GRAMD4: variants seen among roughly 807,000 people sequenced by gnomAD.
GRAMD4 encodes GRAM domain-containing protein 4.
Under a neutral mutation model 83.9 loss-of-function variants are expected in GRAMD4, and 25 were observed. That is an observed-to-expected ratio of 0.30 (90% CI 0.22 to 0.42). The LOEUF is 0.42. Ranked by LOEUF, GRAMD4 falls within the 10% of genes least tolerant of loss-of-function variation. The pLI is 1.00. For missense variants in GRAMD4, 593 were observed against 788.7 expected (o/e 0.75, Z 2.97); for synonymous variants, 336 against 320.9 (o/e 1.05, Z -0.50).
intron 2 of GRAMD4, among the ~76,000 whole-genome samples, chr22:46,628,793 G>A (rs976463901): frequency 5.3e-5 from 8 of 152,260 alleles, no homozygotes; most frequent in Middle Eastern, 6.8e-3. Context: ...ATCCCCTTCG[G>A]GGGAGGGTCA....
upstream of GRAMD4, among the ~76,000 whole-genome samples, chr22:46,576,766 G>A (rs1331498438): frequency 3.7e-5 from 5 of 134,488 alleles, no homozygotes; most frequent in Non-Finnish European, 6.4e-5. Flanking sequence ...GCGGGGCGCG[G>A]GCGAGGCCAC....
intron 1 of GRAMD4, among the ~76,000 whole-genome samples, chr22:46,585,144 C>A (rs1006241772): frequency 6.6e-6 from 1 of 151,962 alleles, no homozygotes. Context: ...CGGTGTTTTC[C>A]AGGCAGCATT....
chr22:46,648,847 C>G (rs62233623), intron 3 of GRAMD4, among the ~76,000 whole-genome samples: 257 of 17,090 alleles, frequency 0.015, 2 homozygotes, highest in South Asian at 0.033. Flanking sequence ...TGGATGGATG[C>G]ATGGATGGAT....
chr22:46,680,671 A>ACCCACCCATTC (rs2082661474), downstream of GRAMD4, among the ~76,000 whole-genome samples: 1 of 14,116 alleles, frequency 7.1e-5, no homozygotes. Flanking sequence ...CTCATCCATC[A>ACCCACCCATTC]ATCCATCCAC....
Position 46,679,348 on chromosome 22 carries a change from C to A in GRAMD4, c.*2097C>A. ...AAACTGACCACGTGCCAGGTGTGGC[C>A]GAAGCCCCCAGGGAGGGCCACATTC... On this transcript the variant is annotated 3_prime_UTR_variant, in exon 19 of 19. Coordinates refer to ENST00000406902, the MANE Select transcript of GRAMD4 (RefSeq NM_015124.5). 1.0e-6 allele frequency: 1 copy of A among 983,964 alleles called. No homozygotes were observed. The highest frequency in any genetic ancestry group is 1.2e-6 in the Non-Finnish European group (1 of 829,886). The allele number at this position is 983,964 out of a possible 1,614,324, so 61.0% of individuals were successfully genotyped here.
At chr22:46,576,058 G>C (rs2081040541), upstream of GRAMD4, 1 of 152,956 alleles carries the variant, frequency 6.5e-6, no homozygotes, top group Non-Finnish European at 1.5e-5. Flanking sequence ...AAAGGTTGGA[G>C]ATGCCTGTGG....
chr22:46,603,191 A>G (rs971821913), intron 1 of GRAMD4, among the ~76,000 whole-genome samples: 12 of 137,882 alleles, frequency 8.7e-5, no homozygotes, highest in Non-Finnish European at 1.5e-4. Context: ...AACATAACGT[A>G]TCTTCTCTTG....
At chr22:46,603,497 C>T (rs1355208613) in intron 1 of GRAMD4, among the ~76,000 whole-genome samples, 2 of 136,456 alleles carry the variant, frequency 1.5e-5, no homozygotes, top group African/African-American at 2.7e-5. Context: ...GCATGAGCCA[C>T]CGCGCCCGGC....
chr22:46,598,106 G>A (rs147816532), intron 1 of GRAMD4, among the ~76,000 whole-genome samples: 197 of 152,100 alleles, frequency 1.3e-3, no homozygotes, highest in Non-Finnish European at 2.2e-3. Context: ...CTCAGCTTCC[G>A]GAGTAGCTGG....
At chr22:46,619,641 G>C (rs980610026), upstream of GRAMD4, among the ~76,000 whole-genome samples, 1 of 152,294 alleles carries the variant, frequency 6.6e-6, no homozygotes, top group South Asian at 2.1e-4. Flanking sequence ...GGCCGCCCCC[G>C]GTCCTCCTGT....
In GRAMD4 at chr22:46,678,260, G is replaced by C. The variant is rs2082627582; in HGVS notation, c.*1009G>C. On this transcript the variant is annotated 3_prime_UTR_variant, in exon 19 of 19. Coordinates refer to ENST00000406902, the MANE Select transcript of GRAMD4 (RefSeq NM_015124.5). ...GCAGCCGCCTTTGGGCCATCCGAGA[G>C]GCTCTGGCAGCCCCTGTGCTTTAGG... The C allele has an allele frequency of 1.0e-6, 1 of 985,362 alleles. No homozygotes were observed. 61.0% of individuals were successfully genotyped at this position (985,362 alleles called of 1,614,324 possible).
intron 4 of GRAMD4, among the ~76,000 whole-genome samples, 178 bp from the exon 5 acceptor site, chr22:46,661,200 CTCT>C (rs1351185944): frequency 3.9e-5 from 6 of 152,218 alleles, no homozygotes; most frequent in African/African-American, 1.4e-4. Context: ...AGGAAGGCAG[CTCT>C]GTGCTTGCCT....
In GRAMD4 at chr22:46,622,392, GTTT is replaced by G. The variant is rs1199363657; in HGVS notation, c.-50+1830_-50+1832del. On this transcript the variant is annotated intron_variant, in intron 1 of 18. Coordinates refer to ENST00000406902, the MANE Select transcript of GRAMD4 (RefSeq NM_015124.5). This position sits in a 1 kb window ranked among gnomAD's most constrained non-coding sequence, Gnocchi z 4.0. The stretch of plus-strand genomic sequence containing the variant: ...TGCCGCAACCAGGAGGACTCGCCGG[GTTT>G]TTGAAAATGGAAGGAAGTAGGTTTT... Among the ~76,000 whole-genome samples, 1 of 152,184 alleles carries G rather than the reference GTTT, an allele frequency of 6.6e-6. No individual in the cohort carries two copies.
rs1601578887 is a variant in GRAMD4 at position 46,622,120 on chromosome 22, G to C, written c.-50+1555G>C. On this transcript the variant is annotated intron_variant, in intron 1 of 18. Coordinates refer to ENST00000406902, the MANE Select transcript of GRAMD4 (RefSeq NM_015124.5). This position sits in a 1 kb window ranked among gnomAD's most constrained non-coding sequence, Gnocchi z 4.0. ...CTGATGGTGACAGGCGGGACACTCAGGGCCTTTGTCCCCTCTCTCATTGCC... is the reference window on the plus strand; with the variant it reads ...CTGATGGTGACAGGCGGGACACTCACGGCCTTTGTCCCCTCTCTCATTGCC... Among the ~76,000 whole-genome samples, 1 of 152,176 alleles carries C rather than the reference G, an allele frequency of 6.6e-6. No individual in the cohort carries two copies. The highest frequency in any genetic ancestry group is 2.4e-5 in the African/African-American group (1 of 41,430).
chr22:46,667,217 C>T (rs868278522), intron 10 of GRAMD4, among the ~76,000 whole-genome samples: 1 of 152,122 alleles, frequency 6.6e-6, no homozygotes, highest in Non-Finnish European at 1.5e-5. Flanking sequence ...GGGTGGTGAA[C>T]AGTAGGCTGG....
At chr22:46,639,692 A>G (rs1261438940) in intron 3 of GRAMD4, among the ~76,000 whole-genome samples, 2 of 152,084 alleles carry the variant, frequency 1.3e-5, no homozygotes, top group South Asian at 2.1e-4. Context: ...GTGCATGCCC[A>G]TGTGCATCAG....
chr22:46,646,392 G>A (rs562815605), intron 3 of GRAMD4, among the ~76,000 whole-genome samples: 1 of 152,328 alleles, frequency 6.6e-6, no homozygotes, highest in East Asian at 1.9e-4. Flanking sequence ...CGAAGAAGCT[G>A]GCAGGAGGGG....
chr22:46,663,176 G>A lies in GRAMD4; in HGVS notation c.599+4G>A. On this transcript the variant is annotated splice_donor_region_variant and intron_variant, in intron 6 of 18. Coordinates refer to ENST00000406902, the MANE Select transcript of GRAMD4 (RefSeq NM_015124.5). ...AGGAACCCCTGAGCGCCCGCAGGTA[G>A]GGGTTCGCCGAGCTGGGGCTGCCTG... 1 of 1,609,570 alleles carries A rather than the reference G, an allele frequency of 6.2e-7. No homozygotes were observed. The highest frequency in any genetic ancestry group is 8.5e-7 in the Non-Finnish European group (1 of 1,177,846).
intron 3 of GRAMD4, among the ~76,000 whole-genome samples, chr22:46,657,887 G>A (rs1017359470): frequency 1.3e-5 from 2 of 152,182 alleles, no homozygotes; most frequent in Admixed American, 1.3e-4. Context: ...TTTGTGTTCT[G>A]TGTTGCACTG....
Sources: gnomAD v4.1 joint callset for allele counts (sites outside exome capture counted in the v4.1 genomes callset) on GRCh38, gnomAD v4.1.1 for gene constraint, Gnocchi (gnomAD v3.1) non-coding constraint, MANE v1.5 for transcripts, NCBI Gene and HGNC (gene_info 2026-07-23, HGNC 2026-07-21) for gene names.